PDZD2: variants seen among roughly 807,000 people sequenced by gnomAD.
The protein encoded by PDZD2 is PDZ domain containing 2, also known as PDZ domain-containing protein 2.
Under a neutral mutation model 220.7 loss-of-function variants are expected in PDZD2, and 90 were observed. The ratio of observed to expected loss-of-function variants is 0.41; its 90% confidence interval spans 0.34 to 0.49. PDZD2 has a LOEUF of 0.49. PDZD2 is among the 20% of genes least tolerant of loss of function. The probability of loss-of-function intolerance (pLI) is 0.28; values close to 1 mark genes in which losing one functional copy is unlikely to be tolerated. For missense variants in PDZD2, 3,174 were observed against 3,608.5 expected, an observed-to-expected ratio of 0.88 and a Z score of 3.08; for synonymous variants, 1,375 against 1,450.5, an observed-to-expected ratio of 0.95 and a Z score of 1.18.
chr5:31,981,088 G>C (rs893602748), intron 2 of PDZD2, among the ~76,000 whole-genome samples: 1 of 152,100 alleles, frequency 6.6e-6, no homozygotes, highest in East Asian at 1.9e-4. Flanking sequence ...ACCTGGCCTA[G>C]TGGATGGTCT....
At chr5:31,687,014 G>A (rs545896401) in intron 1 of PDZD2, among the ~76,000 whole-genome samples, 80 of 152,214 alleles carry the variant, frequency 5.3e-4, no homozygotes, top group African/African-American at 1.8e-3. Context: ...GGACCCCAAC[G>A]AGGCTGTTAT....
rs529017168 is a variant in PDZD2 at position 31,697,903 on chromosome 5, ATTTTTTATCAT to A, written c.-361+58473_-361+58483del. Among the ~76,000 whole-genome samples, 99 of 48,272 alleles carry A rather than the reference ATTTTTTATCAT, an allele frequency of 2.1e-3. 3 individuals carry two copies. In the East Asian group the frequency reaches 0.046, roughly 23 times the overall value. The allele number at this position is 48,272 out of a possible 152,430, so 31.7% of individuals were successfully genotyped here. A position where few individuals can be genotyped will look rare whatever the true frequency, so the allele number is the denominator to read the frequency against. On this transcript the variant is annotated intron_variant, in intron 1 of 24. Coordinates refer to ENST00000438447, the MANE Select transcript of PDZD2 (RefSeq NM_178140.4). The stretch of plus-strand genomic sequence containing the variant: ...TTTCTTTATTATTATTATTATTATC[ATTTTTTATCAT>A]TTTTTTTTAGACAGAGTCTCTCTCT...
intron 2 of PDZD2, among the ~76,000 whole-genome samples, chr5:31,884,593 T>G (rs1444373920): frequency 1.4e-5 from 2 of 140,006 alleles, no homozygotes; most frequent in Non-Finnish European, 3.0e-5. Flanking sequence ...TTGTATTGTG[T>G]TTTTTTTTGT....
chr5:32,066,046 A>G (rs1228250113), intron 14 of PDZD2, among the ~76,000 whole-genome samples: 4 of 151,632 alleles, frequency 2.6e-5, no homozygotes, highest in African/African-American at 4.8e-5. Flanking sequence ...CAATCAATCA[A>G]TCAATCCAAG....
chr5:31,806,931 GT>G (rs397882682), intron 2 of PDZD2, among the ~76,000 whole-genome samples: 9,370 of 127,468 alleles, frequency 0.074, 412 homozygotes, highest in African/African-American at 0.15. Flanking sequence ...GGGCGTCTTT[GT>G]TTTTTTTTTT....
intron 5 of PDZD2, among the ~76,000 whole-genome samples, chr5:32,006,051 G>A (rs1229000351): frequency 2.0e-5 from 3 of 151,662 alleles, no homozygotes; most frequent in African/African-American, 7.3e-5. Flanking sequence ...GGAGGCTGAG[G>A]CAGGAGAATC....
intron 1 of PDZD2, among the ~76,000 whole-genome samples, chr5:31,706,758 C>T (rs1047676561): frequency 1.3e-4 from 19 of 150,900 alleles, no homozygotes; most frequent in African/African-American, 3.4e-4. Context: ...GCAGGAGAAT[C>T]GCTTGAACCT....
chr5:31,860,483 A>G (rs1163436132), intron 2 of PDZD2, among the ~76,000 whole-genome samples: 1 of 152,132 alleles, frequency 6.6e-6, no homozygotes, highest in Non-Finnish European at 1.5e-5. Context: ...TATCTTTGAG[A>G]GGCTAGCAAT....
intron 1 of PDZD2, among the ~76,000 whole-genome samples, chr5:31,791,731 A>C (rs1753743499): frequency 6.6e-6 from 1 of 152,104 alleles, no homozygotes; most frequent in East Asian, 1.9e-4. Context: ...AGGCAATTTG[A>C]CCAGATACTT....
rs1359512397 is a variant in PDZD2 at position 32,074,264 on chromosome 5, C to T, written c.3158C>T (p.Ala1053Val). 3.7e-6 allele frequency: 6 copies of T among 1,614,062 alleles called. No homozygotes were observed. The highest frequency in any genetic ancestry group is 2.7e-5 in the African/African-American group (2 of 74,938). ...ESIPEGMVDAASYAANLTDSA... is the reference protein window; with the variant it reads ...ESIPEGMVDAVSYAANLTDSA... The stretch of plus-strand genomic sequence containing the variant: ...ATCCCAGAGGGCATGGTGGATGCTG[C>T]GTCCTATGCAGCCAACCTCACGGAC... Residue 1053 changes from alanine to valine, a missense_variant, in exon 18 of 25, where the codon GCG (alanine) becomes GTG (valine). By Grantham distance (64) the Ala-to-Val change is moderately conservative. Around this residue, in one of 4 missense-constraint regions of PDZD2, gnomAD observed 1,861 missense variants for 2,001.0 expected, o/e 0.93. Transcript: ENST00000438447.
At chr5:32,075,705 A>G (rs1475184771) in intron 18 of PDZD2, among the ~76,000 whole-genome samples, 1 of 152,242 alleles carries the variant, frequency 6.6e-6, no homozygotes, top group Non-Finnish European at 1.5e-5. Flanking sequence ...TCTCCTTAAC[A>G]TAAATAACTT....
rs114551670 is a variant in PDZD2, at chr5:31,852,154, G to A, written c.476+52430G>A. The stretch of plus-strand genomic sequence containing the variant: ...ACAGGCGTGAGCCACCGTGTCTGCC[G>A]TGTGGTCCCATTTTCAATTCCCAGC... On this transcript the variant is annotated intron_variant, in intron 2 of 24. Transcript: ENST00000438447. 1.8e-3 allele frequency among the ~76,000 whole-genome samples: 278 copies of A among 152,176 alleles called. 1 individual carries two copies. Among genetic ancestry groups the A allele is most frequent in the African/African-American group, 6.5e-3 (271 of 41,526 alleles).
intron 13 of PDZD2, among the ~76,000 whole-genome samples, chr5:32,059,916 C>T (rs761448258): frequency 3.9e-5 from 6 of 152,246 alleles, no homozygotes; most frequent in South Asian, 2.1e-4. Flanking sequence ...GTAACATGGG[C>T]GTTCTGTTTA....
At chr5:31,838,580 T>C (rs1029965344) in intron 2 of PDZD2, among the ~76,000 whole-genome samples, 2 of 152,230 alleles carry the variant, frequency 1.3e-5, no homozygotes, top group African/African-American at 4.8e-5. Context: ...CAAAAGCTGA[T>C]CTGGAGGCAT....
chr5:31,689,349 ATATATT>A, intron 1 of PDZD2, among the ~76,000 whole-genome samples: 1 of 27,830 alleles, frequency 3.6e-5, no homozygotes, highest in South Asian at 1.0e-3. Flanking sequence ...ATATATATAT[ATATATT>A]TTTTTTTTTT....
chr5:32,050,539 T>C (rs1172208202), intron 8 of PDZD2, among the ~76,000 whole-genome samples: 1 of 152,166 alleles, frequency 6.6e-6, no homozygotes, highest in Non-Finnish European at 1.5e-5. Flanking sequence ...TATAAAGTAT[T>C]ATCTACAACC....
chr5:32,015,624 G>A (rs79771019), intron 6 of PDZD2, among the ~76,000 whole-genome samples: 3,680 of 152,216 alleles, frequency 0.024, 115 homozygotes, highest in Admixed American at 0.061. Context: ...AAAATGAGTG[G>A]CACATGCATT....
At chr5:32,018,199 C>T (rs1753920524) in intron 6 of PDZD2, among the ~76,000 whole-genome samples, 1 of 152,234 alleles carries the variant, frequency 6.6e-6, no homozygotes, top group Non-Finnish European at 1.5e-5. Context: ...CTCATGTGCA[C>T]TCTGGAGAGG....
At chr5:32,084,472 G>C (rs867402466) in intron 19 of PDZD2, among the ~76,000 whole-genome samples, 1 of 152,202 alleles carries the variant, frequency 6.6e-6, no homozygotes, top group Non-Finnish European at 1.5e-5. Flanking sequence ...TTAGCACAGT[G>C]TTAACTCCTT....
Sources: allele counts gnomAD v4.1 joint callset (sites outside exome capture counted in the v4.1 genomes callset), GRCh38; gene constraint gnomAD v4.1.1; regional missense constraint gnomAD v4.1.1; transcripts MANE v1.5; gene names NCBI Gene and HGNC (gene_info 2026-07-23, HGNC 2026-07-21).